Variants in CARMIL1 observed in about 807,000 individuals in gnomAD.
CARMIL1 encodes the protein capping protein regulator and myosin 1 linker 1, also known as F-actin-uncapping protein LRRC16A.
A neutral mutation model predicts 177.1 loss-of-function variants in CARMIL1; 90 were observed. The observed-to-expected ratio is 0.51, with a 90% confidence interval of 0.43 to 0.61. The LOEUF (loss-of-function observed/expected upper bound fraction) is 0.61, where lower values mean the gene tolerates loss of function less well. CARMIL1 is among the 20% of genes least tolerant of loss of function. The pLI, the probability that CARMIL1 is intolerant of heterozygous loss-of-function variation, is 0.00. For missense variants in CARMIL1, 1,380 were observed against 1,667.0 expected (o/e 0.83, Z 3.00); for synonymous variants, 577 against 606.2 (o/e 0.95, Z 0.71).
chr6:25,409,072 A>G (rs371387349), intron 2 of CARMIL1, among the ~76,000 whole-genome samples: 1 of 152,216 alleles, frequency 6.6e-6, no homozygotes, highest in Non-Finnish European at 1.5e-5. Flanking sequence ...TTCAAAGCCC[A>G]TTCTTCCTTT....
At chr6:25,312,725 T>C (rs2150210444) in intron 2 of CARMIL1, among the ~76,000 whole-genome samples, 1 of 151,228 alleles carries the variant, frequency 6.6e-6, no homozygotes. Context: ...GAATTTTCCA[T>C]CCCCCCCACT....
At chr6:25,532,955 A>G (rs1275499849) in intron 24 of CARMIL1, among the ~76,000 whole-genome samples, 1 of 152,218 alleles carries the variant, frequency 6.6e-6, no homozygotes, top group Non-Finnish European at 1.5e-5. Flanking sequence ...CTGTAGTTAT[A>G]AAAACAGGCC....
At chr6:25,349,948 C>T (rs1039546079) in intron 2 of CARMIL1, among the ~76,000 whole-genome samples, 4 of 151,944 alleles carry the variant, frequency 2.6e-5, no homozygotes, top group East Asian at 1.9e-4. Flanking sequence ...AAGATGGTCT[C>T]GATCTCCTGA....
intron 2 of CARMIL1, among the ~76,000 whole-genome samples, chr6:25,367,022 CAT>C (rs1335756373): frequency 6.6e-6 from 1 of 152,154 alleles, no homozygotes; most frequent in Admixed American, 6.5e-5. Context: ...TGCAGTTACT[CAT>C]AGTAGCATTC....
intron 32 of CARMIL1, among the ~76,000 whole-genome samples, chr6:25,599,643 C>G (rs562945282): frequency 1.3e-5 from 2 of 152,100 alleles, no homozygotes; most frequent in South Asian, 4.1e-4. Flanking sequence ...AAAAGTCAAA[C>G]GCATGAGAAG....
intron 2 of CARMIL1, among the ~76,000 whole-genome samples, chr6:25,353,159 G>A (rs1467699982): frequency 3.3e-5 from 5 of 152,098 alleles, no homozygotes; most frequent in African/African-American, 9.7e-5. Context: ...ACCCCTCTTC[G>A]TAAATTATGA....
In CARMIL1 at chr6:25,496,646, T is replaced by C. The variant is rs202098265; in HGVS notation, c.1325+1431T>C. ...CCGTTTGTATGGATATTAAGAAAGC[T>C]ATCAGAATTGTATTCTAAAGTTCCA... On this transcript the variant is annotated intron_variant, in intron 16 of 36. Coordinates refer to ENST00000329474, the MANE Select transcript of CARMIL1 (RefSeq NM_017640.6). Among the ~76,000 whole-genome samples, 363 of 152,308 alleles carry C rather than the reference T, an allele frequency of 2.4e-3. 2 individuals are homozygous for C. Among genetic ancestry groups the C allele is most frequent in the Middle Eastern group, 0.02 (6 of 294 alleles).
chr6:25,410,583 T>G (rs1489363446), intron 2 of CARMIL1, among the ~76,000 whole-genome samples: 1 of 134,354 alleles, frequency 7.4e-6, no homozygotes, highest in Non-Finnish European at 1.6e-5. Flanking sequence ...TGTGTGGTCT[T>G]TATTTGGTGC....
At chr6:25,598,480 C>A (rs1815065344) in intron 32 of CARMIL1, among the ~76,000 whole-genome samples, 1 of 152,150 alleles carries the variant, frequency 6.6e-6, no homozygotes, top group African/African-American at 2.4e-5. Flanking sequence ...GTCAAGCAGT[C>A]TGCCCACCTC....
intron 5 of CARMIL1, among the ~76,000 whole-genome samples, chr6:25,438,694 G>A (rs1797450280): frequency 6.6e-6 from 1 of 152,186 alleles, no homozygotes; most frequent in African/African-American, 2.4e-5. Flanking sequence ...GAAGGGATGA[G>A]GAATGATTCA....
chr6:25,488,572 G>A lies in CARMIL1; in HGVS notation c.1052G>A (p.Gly351Glu). 6.2e-7 allele frequency: 1 copy of A among 1,613,346 alleles called. No homozygotes were observed. The highest frequency in any genetic ancestry group is 8.5e-7 in the Non-Finnish European group (1 of 1,179,294). ...HLDLSGNVLRGDDLSHMYNFL... is the reference protein window; with the variant it reads ...HLDLSGNVLREDDLSHMYNFL... ...GACCTCTCAGGGAACGTCCTTCGTG[G>A]AGATGACCTCTCAGTAAGTTTTCTT... Residue 351 changes from glycine to glutamate, a missense_variant, in exon 13 of 37, where the codon GGA (glycine) becomes GAA (glutamate). Gly to Glu is a moderately conservative substitution (Grantham distance 98, BLOSUM62 -2). Transcript: ENST00000329474.
intron 26 of CARMIL1, among the ~76,000 whole-genome samples, chr6:25,544,436 A>G (rs1217714578): frequency 1.3e-5 from 2 of 152,098 alleles, no homozygotes; most frequent in African/African-American, 4.8e-5. Flanking sequence ...CTGACAGCTC[A>G]CTTCTCAATA....
intron 32 of CARMIL1, among the ~76,000 whole-genome samples, chr6:25,596,182 AT>A (rs67939640): frequency 0.18 from 27,994 of 151,858 alleles, 2,831 homozygotes; most frequent in East Asian, 0.41. Context: ...TATAAAATAT[AT>A]TTTTTTTATA....
At chr6:25,382,896 A>G (rs1257680688) in intron 2 of CARMIL1, among the ~76,000 whole-genome samples, 1 of 152,192 alleles carries the variant, frequency 6.6e-6, no homozygotes, top group African/African-American at 2.4e-5. Flanking sequence ...GGGCCTCCCA[A>G]AGTGCTGGGA....
At chr6:25,383,078 C>T (rs12203031) in intron 2 of CARMIL1, among the ~76,000 whole-genome samples, 18,320 of 152,060 alleles carry the variant, frequency 0.12, 1,257 homozygotes, top group South Asian at 0.16. Context: ...GGGTTGAGTA[C>T]TATGGGGTGA....
At chr6:25,422,459 G>T (rs1190193593) in intron 3 of CARMIL1, among the ~76,000 whole-genome samples, 1 of 151,958 alleles carries the variant, frequency 6.6e-6, no homozygotes, top group Admixed American at 6.6e-5. Flanking sequence ...GATATCTGTG[G>T]CCTTTCTTTT....
chr6:25,343,595 T>C (rs9379759), intron 2 of CARMIL1, among the ~76,000 whole-genome samples: 39,365 of 152,076 alleles, frequency 0.26, 6,240 homozygotes, highest in Non-Finnish European at 0.36. Context: ...TCCCGTGTCA[T>C]CTCTCACTCC....
intron 8 of CARMIL1, among the ~76,000 whole-genome samples, chr6:25,460,157 G>C (rs1313833015): frequency 1.3e-5 from 2 of 152,236 alleles, no homozygotes; most frequent in Non-Finnish European, 2.9e-5. Context: ...AAATCAGGTA[G>C]TCCTTTGCAG....
At chr6:25,562,650 C>T (rs908386899) in intron 29 of CARMIL1, among the ~76,000 whole-genome samples, 1 of 152,176 alleles carries the variant, frequency 6.6e-6, no homozygotes, top group Admixed American at 6.5e-5. Flanking sequence ...GCAGTTATTT[C>T]TAGAAAGAGA....
Sources: allele counts gnomAD v4.1 joint callset (sites outside exome capture counted in the v4.1 genomes callset), GRCh38; gene constraint gnomAD v4.1.1; transcripts MANE v1.5; gene names NCBI Gene and HGNC (gene_info 2026-07-23, HGNC 2026-07-21).